Variants in EFHB observed in about 807,000 individuals in gnomAD.
EFHB encodes the protein EF-hand domain-containing family member B.
Under a neutral mutation model 87.2 loss-of-function variants are expected in EFHB, and 91 were observed. The ratio of observed to expected loss-of-function variants is 1.04; its 90% CI spans 0.88 to 1.24. The LOEUF is 1.24. EFHB is among the 50% of genes most tolerant of loss of function. EFHB has a pLI of 0.00. For missense variants in EFHB, 1,084 were observed against 998.8 expected, an observed-to-expected ratio of 1.09 and a Z score of -1.15; for synonymous variants, 325 against 333.6, an observed-to-expected ratio of 0.97 and a Z score of 0.28.
rs539140887 is a variant in EFHB at position 19,912,327 on chromosome 3, T to C, written c.1288+2976A>G. On this transcript the variant is annotated intron_variant, in intron 5 of 12. Transcript: ENST00000295824. Reference sequence around the variant, plus strand: ...AAGTGCTGAAGAGAAGAAACTTTTATTCTAGAATAGTATATCTTATCTGCT... The same window carrying C: ...AAGTGCTGAAGAGAAGAAACTTTTACTCTAGAATAGTATATCTTATCTGCT... Among the ~76,000 whole-genome samples the C allele has an allele frequency of 3.9e-5, 6 of 152,252 alleles. No homozygotes were observed. In the East Asian group the frequency reaches 1.2e-3, roughly 29 times the overall value.
At chr3:19,882,016 AAAAT>A (rs368695761) in intron 12 of EFHB, among the ~76,000 whole-genome samples, 16,096 of 141,584 alleles carry the variant, frequency 0.11, 1,104 homozygotes, top group East Asian at 0.25. Flanking sequence ...TTCTGAGTCA[AAAAT>A]AAATAAATAA....
chr3:19,915,345 C>T lies in EFHB; in HGVS notation c.1246G>A (p.Gly416Arg). ...YEEVFKEGNEGHDLYVVSHND... is the reference protein window; with the variant it reads ...YEEVFKEGNERHDLYVVSHND... ...TGAGAAACAACATACAAATCATGTC[C>T]TTCATTTCCTTCTTTAAATACTTCT... The change falls in exon 5 of 13, where the codon GGA becomes AGA. Residue 416 changes from glycine to arginine, a missense_variant. Coordinates refer to ENST00000295824, the MANE Select transcript of EFHB (RefSeq NM_144715.4). 1 of 1,613,196 alleles carries T rather than the reference C, an allele frequency of 6.2e-7. No individual in the cohort carries two copies. Among genetic ancestry groups the T allele is most frequent in the Non-Finnish European group, 8.5e-7 (1 of 1,179,474 alleles).
chr3:19,935,640 G>A (rs116328675), upstream of EFHB, among the ~76,000 whole-genome samples: 367 of 151,990 alleles, frequency 2.4e-3, 3 homozygotes, highest in African/African-American at 7.7e-3. Context: ...TAAACCCGGA[G>A]GCAGAGGTTG....
At chr3:19,925,692 A>G (rs1429421899) in intron 1 of EFHB, among the ~76,000 whole-genome samples, 2 of 152,064 alleles carry the variant, frequency 1.3e-5, no homozygotes, top group African/African-American at 2.4e-5. Flanking sequence ...ATGGCCAAGT[A>G]CCTCTTTCAT....
chr3:19,885,078 C>A lies in EFHB; in HGVS notation c.1934-463G>T, dbSNP rs1574990036. Among the ~76,000 whole-genome samples the A allele has an allele frequency of 2.1e-5, 3 of 142,478 alleles. No homozygotes were observed. In the South Asian group the frequency reaches 6.2e-4, roughly 30 times the overall value. The allele number at this position is 142,478 out of a possible 152,430, so 93.5% of individuals were successfully genotyped here. A position where few individuals can be genotyped will look rare whatever the true frequency, so the allele number is the denominator to read the frequency against. ...CTCTATTAAAAATATAAAAGTTAGT[C>A]AGGCATGGTGGCAGGCGCCTGTAAC... is the stretch of plus-strand genomic sequence containing the variant. On this transcript the variant is annotated intron_variant, in intron 10 of 12. Coordinates refer to ENST00000295824, the MANE Select transcript of EFHB (RefSeq NM_144715.4).
intron 1 of EFHB, chr3:19,943,201 G>T: frequency 7.6e-6 from 2 of 261,938 alleles, no homozygotes; most frequent in Non-Finnish European, 8.1e-6. Flanking sequence ...GACATAGCTT[G>T]GAGTGATTCA....
chr3:19,887,143 G>A (rs62279122), intron 10 of EFHB, among the ~76,000 whole-genome samples: 27,148 of 152,004 alleles, frequency 0.18, 3,163 homozygotes, highest in Non-Finnish European at 0.26. Context: ...CACTTTGGGA[G>A]GCCAAGACAG....
rs182583167 is a variant in EFHB, at chr3:19,896,905, T to A, written c.1571-64A>T. The A allele has an allele frequency of 6.6e-3, 9,438 of 1,421,956 alleles. 42 individuals are homozygous for A. The highest frequency in any genetic ancestry group is 8.1e-3 in the Non-Finnish European group (8,661 of 1,071,814). 88.1% of individuals were successfully genotyped at this position (1,421,956 alleles called of 1,614,324 possible). On this transcript the variant is annotated intron_variant, in intron 8 of 12. Coordinates refer to ENST00000295824, the MANE Select transcript of EFHB (RefSeq NM_144715.4). Reference sequence around the variant, plus strand: ...GTCTTTCTATATTATTTCTATCTTTTAAAAAAAGTGAGAGATCTAGCAACC... The same window carrying A: ...GTCTTTCTATATTATTTCTATCTTTAAAAAAAAGTGAGAGATCTAGCAACC...
At chr3:19,884,300 G>T in intron 11 of EFHB, 103 bp downstream of exon 11, 1 of 1,113,708 alleles carries the variant, frequency 9.0e-7, no homozygotes, top group Non-Finnish European at 1.3e-6. Flanking sequence ...AAGGTACAAA[G>T]CTTTGGGAAA....
intron 6 of EFHB, among the ~76,000 whole-genome samples, chr3:19,905,294 G>C (rs1043460781): frequency 6.6e-6 from 1 of 151,974 alleles, no homozygotes; most frequent in Non-Finnish European, 1.5e-5. Context: ...CAATTGTCTT[G>C]GTAGAGTTTT....
chr3:19,911,004 G>A (rs1468678469), intron 5 of EFHB, among the ~76,000 whole-genome samples: 1 of 152,158 alleles, frequency 6.6e-6, no homozygotes, highest in African/African-American at 2.4e-5. Context: ...AGACAGTGAG[G>A]ACTACAATAA....
upstream of EFHB, among the ~76,000 whole-genome samples, chr3:19,936,573 A>G (rs1436239606): frequency 1.3e-5 from 2 of 152,100 alleles, no homozygotes; most frequent in African/African-American, 4.8e-5. Context: ...CAAAAAATAA[A>G]AATAAAAAAT....
chr3:19,935,956 G>A (rs1696004442), upstream of EFHB, among the ~76,000 whole-genome samples: 1 of 124,070 alleles, frequency 8.1e-6, no homozygotes, highest in African/African-American at 3.2e-5. Flanking sequence ...GTTGCAGTAA[G>A]CCGAGATCAC....
chr3:19,885,529 A>C (rs1694069265), intron 10 of EFHB, among the ~76,000 whole-genome samples: 1 of 152,222 alleles, frequency 6.6e-6, no homozygotes, highest in Non-Finnish European at 1.5e-5. Context: ...ATTTAGGAAT[A>C]AATTCCTGCA....
intron 4 of EFHB, among the ~76,000 whole-genome samples, chr3:19,916,885 C>T (rs747549316): frequency 1.3e-5 from 2 of 152,122 alleles, no homozygotes; most frequent in Non-Finnish European, 2.9e-5. Context: ...TCAAAATAAT[C>T]CTGTAAAGCA....
intron 1 of EFHB, among the ~76,000 whole-genome samples, chr3:19,922,440 T>C (rs569142956): frequency 8.5e-4 from 129 of 152,338 alleles, no homozygotes; most frequent in African/African-American, 2.8e-3. Flanking sequence ...AAACTGTGGA[T>C]GTGTTTTTGC....
chr3:19,941,118 GA>G (rs750829023), intron 1 of EFHB: 37 of 378,720 alleles, frequency 9.8e-5, no homozygotes, highest in Non-Finnish European at 1.1e-4. Context: ...CTTTTCCATT[GA>G]AAAAGTCTTG....
Position 19,918,257 on chromosome 3 carries a change from C to T in EFHB, c.1152G>A (p.Thr384=), listed in dbSNP as rs1427596034. 5.0e-6 allele frequency: 8 copies of T among 1,605,890 alleles called. No individual in the cohort carries two copies. Among genetic ancestry groups the T allele is most frequent in the Middle Eastern group, 1.7e-4 (1 of 6,038 alleles). ...CTTTGATGACTGCTGTCCCAAATGT[C>T]GTATTGGTTGTGTCCATGCCTTTTG... ...GLPKGMDTTN[T]TFGTAVIKEY... The change falls in exon 4 of 13, where the codon ACG becomes ACA. Residue 384 remains threonine, a synonymous_variant. Transcript: ENST00000295824.
At chr3:19,905,516 C>CAT in intron 6 of EFHB, 104 bp downstream of exon 6, 1 of 1,246,994 alleles carries the variant, frequency 8.0e-7, no homozygotes, top group East Asian at 2.4e-5. Context: ...TTGTTTGAAC[C>CAT]ATATCATTTT....
Sources: gnomAD v4.1 joint callset for allele counts (sites outside exome capture counted in the v4.1 genomes callset) on GRCh38, gnomAD v4.1.1 for gene constraint, MANE v1.5 for transcripts, NCBI Gene and HGNC (gene_info 2026-07-23, HGNC 2026-07-21) for gene names.